The following TDRP variants were observed in gnomAD, a reference collection of about 807,000 sequenced individuals.
The protein encoded by TDRP is testis development-related protein.
TDRP carries 12 observed loss-of-function variants against 10.5 expected under a neutral mutation model. The ratio of observed to expected loss-of-function variants is 1.15; its 90% CI spans 0.73 to 1.86. The LOEUF is 1.86. Among genes scored for constraint, TDRP ranks in the 40% most tolerant of loss-of-function variants. The pLI is 0.00. For missense variants in TDRP, 353 were observed against 229.2 expected, an observed-to-expected ratio of 1.54 and a Z score of -3.49; for synonymous variants, 139 against 95.4, an observed-to-expected ratio of 1.46 and a Z score of -2.67.
intron 1 of TDRP, among the ~76,000 whole-genome samples, chr8:507,491 A>G (rs1415872313): frequency 6.6e-6 from 1 of 152,076 alleles, no homozygotes; most frequent in Admixed American, 6.6e-5. Flanking sequence ...CATTTTTTAA[A>G]CCATACAGCA....
At chr8:507,407 G>C (rs1196307804) in intron 1 of TDRP, among the ~76,000 whole-genome samples, 1 of 152,142 alleles carries the variant, frequency 6.6e-6, no homozygotes, top group Non-Finnish European at 1.5e-5. Flanking sequence ...ATATCAAGCA[G>C]GGACCTCAAA....
chr8:510,538 C>T (rs1801587398), intron 1 of TDRP, among the ~76,000 whole-genome samples: 1 of 152,176 alleles, frequency 6.6e-6, no homozygotes, highest in African/African-American at 2.4e-5. Flanking sequence ...ACAGCTGACT[C>T]TCAGTAAAAA....
At chr8:496,863 C>G (rs1395884030) in intron 1 of TDRP, among the ~76,000 whole-genome samples, 1 of 152,210 alleles carries the variant, frequency 6.6e-6, no homozygotes, top group African/African-American at 2.4e-5. Context: ...GTGTGTGGCA[C>G]CTGTCTTTTC....
rs771819851 is a variant in TDRP, at chr8:492,648, T to C, written c.309A>G (p.Pro103=). Reference sequence around the variant, plus strand: ...GAGGCTCCCAACCTTCAATTTCATCTGGTTTTTTAGACTGTATATTCTGTT... The same window carrying C: ...GAGGCTCCCAACCTTCAATTTCATCCGGTTTTTTAGACTGTATATTCTGTT... ...VLKQNIQSKK[P]DEIEGWEPPK... The change falls in exon 3 of 3, where the codon CCA becomes CCG. Residue 103 remains proline (P), a synonymous_variant. Transcript: ENST00000324079. The C allele has an allele frequency of 5.6e-6, 9 of 1,613,936 alleles. No individual in the cohort carries two copies. The highest frequency in any genetic ancestry group is 7.6e-6 in the Non-Finnish European group (9 of 1,179,904).
intron 1 of TDRP, among the ~76,000 whole-genome samples, chr8:540,229 T>G (rs1210472472): frequency 6.6e-6 from 1 of 152,180 alleles, no homozygotes; most frequent in Non-Finnish European, 1.5e-5. Context: ...ATAAATTTTG[T>G]CACAGAAATT....
At chr8:544,923 C>T, upstream of TDRP, 1 of 390,704 alleles carries the variant, frequency 2.6e-6, no homozygotes. Context: ...CGCCCCCTCC[C>T]CACCAGGCCC....
intron 1 of TDRP, among the ~76,000 whole-genome samples, chr8:498,119 C>G (rs1189570679): frequency 1.3e-5 from 2 of 152,170 alleles, no homozygotes; most frequent in Non-Finnish European, 2.9e-5. Context: ...CACACCAAGT[C>G]CCCACTGGAG....
chr8:538,755 C>T lies in TDRP; in HGVS notation c.108+5895G>A, dbSNP rs1335909810. ...TAGAAGTCTTCATTAGGCTTGTGAACATCTAAGAAGCTATTGAATATAAAT... is the reference window on the plus strand; with the variant it reads ...TAGAAGTCTTCATTAGGCTTGTGAATATCTAAGAAGCTATTGAATATAAAT... On this transcript the variant is annotated intron_variant, in intron 1 of 2. Coordinates refer to ENST00000324079, the MANE Select transcript of TDRP (RefSeq NM_001384899.1). 6.6e-5 allele frequency among the ~76,000 whole-genome samples: 10 copies of T among 152,308 alleles called. No homozygotes were observed. The East Asian group carries it at 1.4e-3, about 21-fold the overall frequency.
At chr8:516,691 G>A (rs138606902) in intron 1 of TDRP, among the ~76,000 whole-genome samples, 2,388 of 152,226 alleles carry the variant, frequency 0.016, 59 homozygotes, top group African/African-American at 0.054. Context: ...AGACAGTTTG[G>A]CAGTTTCTTA....
rs1469644985 is a variant in TDRP at position 537,670 on chromosome 8, A to ACTCCTTTAAAGT, written c.108+6968_108+6979dup. Among the ~76,000 whole-genome samples the ACTCCTTTAAAGT allele has an allele frequency of 3.7e-4, 57 of 152,060 alleles. 1 individual carries two copies. The highest frequency in any genetic ancestry group is 1.2e-3 in the African/African-American group (51 of 41,480). On this transcript the variant is annotated intron_variant, in intron 1 of 2. Coordinates refer to ENST00000324079, the MANE Select transcript of TDRP (RefSeq NM_001384899.1). ...AATTCACCGGGGTTTGAGAATTATGACTCCTTTAAAGTCGAATGCTAAATT... is the reference window on the plus strand; with the variant it reads ...AATTCACCGGGGTTTGAGAATTATGACTCCTTTAAAGTCTCCTTTAAAGTCGAATGCTAAATT...
chr8:495,860 G>C (rs10088768), intron 1 of TDRP, among the ~76,000 whole-genome samples: 28,058 of 152,152 alleles, frequency 0.18, 2,719 homozygotes, highest in East Asian at 0.26. Flanking sequence ...AAGGGGCAAA[G>C]GGCAGAGATG....
intron 1 of TDRP, among the ~76,000 whole-genome samples, chr8:520,019 G>C (rs551346902): frequency 2.0e-5 from 3 of 152,368 alleles, no homozygotes; most frequent in African/African-American, 4.8e-5. Flanking sequence ...AAAGGGAATG[G>C]AGGTCACAGC....
chr8:525,006 C>T (rs1584875557), intron 1 of TDRP, among the ~76,000 whole-genome samples: 1 of 152,218 alleles, frequency 6.6e-6, no homozygotes, highest in East Asian at 1.9e-4. Context: ...AAGACTACTT[C>T]AAGGCTTTTA....
chr8:529,115 T>C (rs1357698428), intron 1 of TDRP, among the ~76,000 whole-genome samples: 2 of 152,106 alleles, frequency 1.3e-5, no homozygotes, highest in African/African-American at 4.8e-5. Context: ...TGATGCCCAC[T>C]CAGATTGGCG....
chr8:526,495 G>A (rs978033123), intron 1 of TDRP, among the ~76,000 whole-genome samples: 8 of 152,144 alleles, frequency 5.3e-5, no homozygotes, highest in African/African-American at 1.7e-4. Context: ...CCTTCATTGT[G>A]TTGATATGAT....
chr8:500,117 C>G (rs1801245954), intron 1 of TDRP, among the ~76,000 whole-genome samples: 1 of 152,124 alleles, frequency 6.6e-6, no homozygotes, highest in Non-Finnish European at 1.5e-5. Context: ...TGGTAATGAC[C>G]AAGAAGTTAG....
At chr8:493,140 G>A in intron 2 of TDRP, among the ~76,000 whole-genome samples, 1 of 152,242 alleles carries the variant, frequency 6.6e-6, no homozygotes, top group East Asian at 1.9e-4. Context: ...GTTTTCAATT[G>A]GATTAACACA....
intron 1 of TDRP, among the ~76,000 whole-genome samples, chr8:538,579 A>C (rs1802411411): frequency 6.6e-6 from 1 of 152,156 alleles, no homozygotes; most frequent in Non-Finnish European, 1.5e-5. Flanking sequence ...GGCTCAACAA[A>C]AGGCAGAGAT....
chr8:522,561 TAATTA>T (rs778247872), intron 1 of TDRP, among the ~76,000 whole-genome samples: 6 of 152,224 alleles, frequency 3.9e-5, no homozygotes, highest in Non-Finnish European at 7.3e-5. Context: ...ATGCATGTCT[TAATTA>T]AATAACTGTC....
Sources: gnomAD v4.1 joint callset for allele counts (sites outside exome capture counted in the v4.1 genomes callset) on GRCh38, gnomAD v4.1.1 for gene constraint, MANE v1.5 for transcripts, NCBI Gene and HGNC (gene_info 2026-07-23, HGNC 2026-07-21) for gene names.